Variants in LRRC8D observed in about 807,000 individuals in gnomAD.
LRRC8D encodes volume-regulated anion channel subunit LRRC8D.
Under a neutral mutation model 55.8 loss-of-function variants are expected in LRRC8D, and 20 were observed. The observed-to-expected ratio is 0.36, with a 90% CI of 0.25 to 0.52. The LOEUF is 0.52. Ranked by LOEUF, LRRC8D falls within the 20% of genes least tolerant of loss-of-function variation. The pLI is 0.93. For synonymous variants in LRRC8D, 352 were observed against 377.0 expected (o/e 0.93, Z 0.77); for missense variants, 651 against 1,030.8 (o/e 0.63, Z 5.05).
intron 2 of LRRC8D, among the ~76,000 whole-genome samples, chr1:89,904,835 TAAC>T (rs1662949861): frequency 1.3e-5 from 2 of 152,164 alleles, no homozygotes; most frequent in Admixed American, 6.5e-5. Flanking sequence ...AAGTTGGTAA[TAAC>T]ATTTACTTTA....
intron 1 of LRRC8D, among the ~76,000 whole-genome samples, chr1:89,830,565 G>A (rs1160725044): frequency 2.0e-5 from 3 of 152,196 alleles, no homozygotes; most frequent in Non-Finnish European, 4.4e-5. Flanking sequence ...CAAATAGTGT[G>A]CCTCAGAGAT....
chr1:89,897,760 T>A (rs1662747918), intron 2 of LRRC8D, among the ~76,000 whole-genome samples: 1 of 152,194 alleles, frequency 6.6e-6, no homozygotes, highest in Admixed American at 6.5e-5. Flanking sequence ...AATAGTTTGC[T>A]CTGAGAGAGG....
At chr1:89,836,549 A>C (rs1661009096) in intron 1 of LRRC8D, among the ~76,000 whole-genome samples, 1 of 152,200 alleles carries the variant, frequency 6.6e-6, no homozygotes, top group South Asian at 2.1e-4. Flanking sequence ...TTCCTAACGA[A>C]GTCTTGTTGA....
chr1:89,849,766 G>A (rs1254927487), intron 2 of LRRC8D, among the ~76,000 whole-genome samples: 1 of 151,980 alleles, frequency 6.6e-6, no homozygotes, highest in Non-Finnish European at 1.5e-5. Flanking sequence ...TGTTTCTTGT[G>A]TATTCTAGAA....
At chr1:89,909,104 T>G (rs1219205710) in intron 2 of LRRC8D, among the ~76,000 whole-genome samples, 1 of 152,016 alleles carries the variant, frequency 6.6e-6, no homozygotes, top group African/African-American at 2.4e-5. Flanking sequence ...CTCTTTCAGT[T>G]TTTCAACAAC....
intron 2 of LRRC8D, among the ~76,000 whole-genome samples, chr1:89,912,727 A>T (rs1663166584): frequency 6.6e-6 from 1 of 152,212 alleles, no homozygotes; most frequent in Admixed American, 6.5e-5. Context: ...TATTTATAAT[A>T]AATTACAATA....
At chr1:89,919,561 A>G (rs550268420) in intron 2 of LRRC8D, among the ~76,000 whole-genome samples, 2 of 152,350 alleles carry the variant, frequency 1.3e-5, no homozygotes, top group South Asian at 4.1e-4. Context: ...GCAGATGGAA[A>G]GAAGCAGGGA....
intron 2 of LRRC8D, among the ~76,000 whole-genome samples, chr1:89,930,858 C>T (rs895053326): frequency 2.0e-5 from 3 of 151,654 alleles, no homozygotes; most frequent in Non-Finnish European, 4.4e-5. Flanking sequence ...AGTAGCTTTT[C>T]TTCCTGCTTA....
chr1:89,845,065 G>A (rs186567001), intron 2 of LRRC8D, among the ~76,000 whole-genome samples: 1 of 152,312 alleles, frequency 6.6e-6, no homozygotes, highest in Admixed American at 6.5e-5. Flanking sequence ...TACACTGCGC[G>A]CTTTCACTTT....
intron 2 of LRRC8D, among the ~76,000 whole-genome samples, chr1:89,850,932 C>T (rs1557450019): frequency 1.3e-5 from 2 of 152,200 alleles, no homozygotes; most frequent in African/African-American, 4.8e-5. Context: ...TTTGCAGCTA[C>T]ACATTTTCTA....
At position 89,911,256 on chromosome 1, in the gene LRRC8D, C is replaced by G. The variant is rs1388942001; in HGVS notation, c.-2-21811C>G. Among the ~76,000 whole-genome samples, 3 of 151,522 alleles carry G rather than the reference C, an allele frequency of 2.0e-5. No individual in the cohort carries two copies. Among genetic ancestry groups the G allele is most frequent in the Non-Finnish European group, 4.4e-5 (3 of 67,920 alleles). On this transcript the variant is annotated intron_variant, in intron 2 of 2. Transcript: ENST00000337338. This position sits in a 1 kb window ranked among gnomAD's most constrained non-coding sequence, Gnocchi z 4.0. ...TCCCTTTAGACTTTTCAAAAAAGAA[C>G]CTTTTAAAATTTTATGACGGGATAA...
At chr1:89,873,876 G>GT (rs997137715) in intron 2 of LRRC8D, among the ~76,000 whole-genome samples, 5 of 151,904 alleles carry the variant, frequency 3.3e-5, no homozygotes, top group African/African-American at 1.2e-4. Flanking sequence ...TATGGGCAGT[G>GT]TTTTTTTTCC....
intron 2 of LRRC8D, among the ~76,000 whole-genome samples, chr1:89,884,304 C>G (rs904432903): frequency 6.6e-6 from 1 of 152,148 alleles, no homozygotes; most frequent in African/African-American, 2.4e-5. Flanking sequence ...TGTAATGGAG[C>G]CCTTTCTATT....
rs1661445555 is a variant in LRRC8D, at chr1:89,852,558, A to T, written c.-3+8776A>T. 2.0e-5 allele frequency among the ~76,000 whole-genome samples: 3 copies of T among 152,340 alleles called. No homozygotes were observed. The South Asian group carries it at 6.2e-4, about 32-fold the overall frequency. ...ATGAAATGGTGCCTAACCTCTGAAG[A>T]TAGACTCATAAACCACTAACTGGAA... On this transcript the variant is annotated intron_variant, in intron 2 of 2. Coordinates refer to ENST00000337338, the MANE Select transcript of LRRC8D (RefSeq NM_001134479.2).
intron 2 of LRRC8D, among the ~76,000 whole-genome samples, chr1:89,928,967 A>G (rs1663634113): frequency 6.6e-6 from 1 of 152,234 alleles, no homozygotes; most frequent in African/African-American, 2.4e-5. Flanking sequence ...GCCCAATACC[A>G]TCTGTAGATG....
chr1:89,884,406 A>G (rs976292988), intron 2 of LRRC8D, among the ~76,000 whole-genome samples: 2 of 152,234 alleles, frequency 1.3e-5, no homozygotes. Flanking sequence ...CACTTGCCAT[A>G]TATATTCACA....
intron 2 of LRRC8D, among the ~76,000 whole-genome samples, chr1:89,932,088 T>C (rs1663718183): frequency 6.6e-6 from 1 of 152,220 alleles, no homozygotes; most frequent in South Asian, 2.1e-4. Context: ...AGGATGATTG[T>C]CCTTGTCCTT....
chr1:89,875,806 G>A (rs1662133470), intron 2 of LRRC8D, among the ~76,000 whole-genome samples: 1 of 152,216 alleles, frequency 6.6e-6, no homozygotes, highest in African/African-American at 2.4e-5. Flanking sequence ...ATTTTCACAA[G>A]AACGCTTTGT....
chr1:89,832,050 C>T (rs2100711429), intron 1 of LRRC8D, among the ~76,000 whole-genome samples: 1 of 152,274 alleles, frequency 6.6e-6, no homozygotes, highest in East Asian at 1.9e-4. Context: ...GGGCACACTG[C>T]CGGGAGGATA....
Sources: gnomAD v4.1 joint callset for allele counts (sites outside exome capture counted in the v4.1 genomes callset) on GRCh38, gnomAD v4.1.1 for gene constraint, Gnocchi (gnomAD v3.1) non-coding constraint, MANE v1.5 for transcripts, NCBI Gene and HGNC (gene_info 2026-07-23, HGNC 2026-07-21) for gene names.